Variants in DKK2 observed in about 807,000 individuals in gnomAD.
DKK2 encodes dickkopf-related protein 2.
DKK2 carries 11 observed loss-of-function variants against 28.1 expected under a neutral mutation model. That is an observed-to-expected ratio of 0.39 (90% CI 0.25 to 0.65). DKK2 has a LOEUF of 0.65. Ranked by LOEUF, DKK2 falls within the 30% of genes least tolerant of loss-of-function variation. The pLI is 0.47. For synonymous variants in DKK2, 135 were observed against 126.5 expected (o/e 1.07, Z -0.45); for missense variants, 326 against 335.5 (o/e 0.97, Z 0.22).
chr4:107,011,963 A>G (rs1045352196), intron 1 of DKK2, among the ~76,000 whole-genome samples: 10 of 151,376 alleles, frequency 6.6e-5, no homozygotes, highest in African/African-American at 2.2e-4. Flanking sequence ...ACAATTTTTT[A>G]TCTTAATATA....
In DKK2 at chr4:107,021,993, T is replaced by A. The variant is rs1429622374; in HGVS notation, c.222+13377A>T. 5.9e-5 allele frequency among the ~76,000 whole-genome samples: 9 copies of A among 152,066 alleles called. 1 individual carries two copies. The highest frequency in any genetic ancestry group is 5.9e-4 in the Admixed American group (9 of 15,244). Reference sequence around the variant, plus strand: ...TGAGGAAAGGTTTTTGAGGGGACATTGATATCCAGTTTATTTTATTCATTT... The same window carrying A: ...TGAGGAAAGGTTTTTGAGGGGACATAGATATCCAGTTTATTTTATTCATTT... On this transcript the variant is annotated intron_variant, in intron 1 of 3. Coordinates refer to ENST00000285311, the MANE Select transcript of DKK2 (RefSeq NM_014421.3).
intron 1 of DKK2, among the ~76,000 whole-genome samples, chr4:106,930,611 C>A (rs1182818590): frequency 6.6e-6 from 1 of 152,110 alleles, no homozygotes; most frequent in Non-Finnish European, 1.5e-5. Context: ...TGTGGGATGG[C>A]CACCCATCTG....
chr4:106,963,351 T>C (rs1192007705), intron 1 of DKK2, among the ~76,000 whole-genome samples: 5 of 138,074 alleles, frequency 3.6e-5, no homozygotes, highest in African/African-American at 1.3e-4. Flanking sequence ...AGACTCTGTC[T>C]AAAAAAAAAA....
rs138361935 is a variant in DKK2, at chr4:106,980,440, T to C, written c.223-54491A>G. Reference sequence around the variant, plus strand: ...ATTTCTGCATATTATATATTAACTATTATATAATGTGTATTATGTTTGCTT... The same window carrying C: ...ATTTCTGCATATTATATATTAACTACTATATAATGTGTATTATGTTTGCTT... On this transcript the variant is annotated intron_variant, in intron 1 of 3. Transcript: ENST00000285311. Among the ~76,000 whole-genome samples the C allele has an allele frequency of 3.4e-3, 524 of 152,274 alleles. 3 individuals carry two copies. The highest frequency in any genetic ancestry group is 0.012 in the African/African-American group (510 of 41,574).
intron 1 of DKK2, among the ~76,000 whole-genome samples, chr4:106,932,924 T>G (rs80260009): frequency 6.6e-6 from 1 of 152,200 alleles, no homozygotes; most frequent in East Asian, 1.9e-4. Context: ...CTTCCTTAAA[T>G]CAAACAAAAT....
At chr4:106,938,913 C>T (rs373009643) in intron 1 of DKK2, among the ~76,000 whole-genome samples, 1 of 150,998 alleles carries the variant, frequency 6.6e-6, no homozygotes, top group African/African-American at 2.4e-5. Context: ...ATTCAACAAC[C>T]CTTCATGCTA....
chr4:106,960,597 A>G (rs189076490), intron 1 of DKK2, among the ~76,000 whole-genome samples: 1 of 152,298 alleles, frequency 6.6e-6, no homozygotes, highest in East Asian at 1.9e-4. Flanking sequence ...AAAAAAAGAT[A>G]TCCATTTTGT....
At chr4:106,959,690 T>C (rs1255164744) in intron 1 of DKK2, among the ~76,000 whole-genome samples, 6 of 152,128 alleles carry the variant, frequency 3.9e-5, no homozygotes, top group Non-Finnish European at 7.4e-5. Flanking sequence ...ATAAAAGATA[T>C]TGAAAAAAAT....
At chr4:107,034,199 G>T (rs2110379486) in intron 1 of DKK2, among the ~76,000 whole-genome samples, 1 of 152,256 alleles carries the variant, frequency 6.6e-6, no homozygotes, top group East Asian at 1.9e-4. Flanking sequence ...TCAGCCGGCT[G>T]GCTGCGCTGT....
In DKK2 at chr4:106,938,870, A is replaced by C. The variant is rs1447035303; in HGVS notation, c.223-12921T>G. ...AGCCAAAGACAAAAACCACATGATT[A>C]TCTCAATAGATGCAGAAAAAGCCTT... On this transcript the variant is annotated intron_variant, in intron 1 of 3. Coordinates refer to ENST00000285311, the MANE Select transcript of DKK2 (RefSeq NM_014421.3). 2.0e-4 allele frequency among the ~76,000 whole-genome samples: 30 copies of C among 151,606 alleles called. No homozygotes were observed. In the East Asian group the frequency reaches 5.8e-3, roughly 29 times the overall value.
intron 1 of DKK2, among the ~76,000 whole-genome samples, chr4:106,939,874 A>C (rs1460415037): frequency 2.0e-5 from 3 of 152,232 alleles, no homozygotes; most frequent in South Asian, 2.1e-4. Context: ...TTTCCTATTT[A>C]ATAAATGGTG....
chr4:107,016,379 G>T (rs936567514), intron 1 of DKK2, among the ~76,000 whole-genome samples: 10 of 151,802 alleles, frequency 6.6e-5, no homozygotes, highest in Non-Finnish European at 1.3e-4. Flanking sequence ...TGACAGATTT[G>T]ATTATTTAAT....
At chr4:106,988,134 G>A (rs1010313432) in intron 1 of DKK2, among the ~76,000 whole-genome samples, 3 of 152,148 alleles carry the variant, frequency 2.0e-5, no homozygotes, top group African/African-American at 7.2e-5. Context: ...AAAGTGCTGG[G>A]ATTACAGGCG....
intron 2 of DKK2, 129 bp downstream of exon 2, chr4:106,925,670 A>G: frequency 1.6e-6 from 2 of 1,267,088 alleles, no homozygotes; most frequent in Non-Finnish European, 2.2e-6. Context: ...ATCTTACACT[A>G]CCTAAACCAG....
intron 1 of DKK2, among the ~76,000 whole-genome samples, chr4:106,989,070 G>A (rs1723167162): frequency 6.6e-6 from 1 of 152,132 alleles, no homozygotes; most frequent in South Asian, 2.1e-4. Context: ...GCACTTGGAA[G>A]CAATTTTTCA....
At chr4:106,933,015 C>G (rs755737817) in intron 1 of DKK2, among the ~76,000 whole-genome samples, 8 of 152,194 alleles carry the variant, frequency 5.3e-5, no homozygotes, top group Non-Finnish European at 7.4e-5. Context: ...CTGAATTCAG[C>G]AGTGTTTCCC....
intron 1 of DKK2, among the ~76,000 whole-genome samples, chr4:106,927,904 AAAC>A (rs1724446016): frequency 2.6e-5 from 4 of 152,306 alleles, no homozygotes; most frequent in Admixed American, 2.6e-4. Context: ...GTGCCACATA[AAAC>A]ATCATGTGCT....
At chr4:106,963,954 T>C (rs1722730282) in intron 1 of DKK2, among the ~76,000 whole-genome samples, 1 of 152,128 alleles carries the variant, frequency 6.6e-6, no homozygotes, top group Admixed American at 6.6e-5. Flanking sequence ...TTCCCCAGAG[T>C]ATGTTCTTGA....
intron 1 of DKK2, among the ~76,000 whole-genome samples, chr4:106,964,674 G>T (rs1319446056): frequency 1.3e-5 from 2 of 151,976 alleles, no homozygotes; most frequent in Non-Finnish European, 2.9e-5. Flanking sequence ...TTTAGATGTG[G>T]TTAACATCTA....
Sources: allele counts gnomAD v4.1 joint callset (sites outside exome capture counted in the v4.1 genomes callset), GRCh38; gene constraint gnomAD v4.1.1; transcripts MANE v1.5; gene names NCBI Gene and HGNC (gene_info 2026-07-23, HGNC 2026-07-21).